FAM184A: variants seen among roughly 807,000 people sequenced by gnomAD.
The protein encoded by FAM184A is protein FAM184A.
In FAM184A, 99 loss-of-function variants were observed where a neutral mutation model predicts 143.8. The ratio of observed to expected loss-of-function variants is 0.69; its 90% CI spans 0.58 to 0.81. The LOEUF (loss-of-function observed/expected upper bound fraction) is 0.81, where lower values mean the gene tolerates loss of function less well. Ranked by LOEUF, FAM184A falls within the 40% of genes least tolerant of loss-of-function variation. The pLI is 0.00. For missense variants in FAM184A, 1,217 were observed against 1,310.5 expected (o/e 0.93, Z 1.10); for synonymous variants, 427 against 446.4 (o/e 0.96, Z 0.55).
At chr6:118,980,460 G>T in intron 9 of FAM184A, 110 bp from the exon 10 acceptor site, 1 of 742,108 alleles carries the variant, frequency 1.3e-6, no homozygotes, top group Non-Finnish European at 2.2e-6. Flanking sequence ...TAAAATAACT[G>T]CCTTAATGTT....
chr6:118,992,855 A>C (rs1292615769), intron 9 of FAM184A, among the ~76,000 whole-genome samples: 1 of 152,188 alleles, frequency 6.6e-6, no homozygotes, highest in African/African-American at 2.4e-5. Context: ...ACTTGAGCCC[A>C]GGGGGTCAAG....
chr6:119,057,766 TTAAAA>T (rs1787045744), intron 1 of FAM184A: 2 of 151,514 alleles, frequency 1.3e-5, no homozygotes, highest in African/African-American at 4.8e-5. Context: ...ATAAATAAAT[TTAAAA>T]TAAGAGAAAA....
At chr6:118,980,773 G>A (rs1285331092) in intron 9 of FAM184A, among the ~76,000 whole-genome samples, 2 of 152,158 alleles carry the variant, frequency 1.3e-5, no homozygotes, top group East Asian at 3.9e-4. Flanking sequence ...TGTGAGCTCT[G>A]AGTTAAAATC....
intron 1 of FAM184A, among the ~76,000 whole-genome samples, chr6:119,050,444 C>T (rs1786707877): frequency 7.7e-6 from 1 of 130,138 alleles, no homozygotes; most frequent in Non-Finnish European, 1.6e-5. Flanking sequence ...CCATTAATGA[C>T]AGATTGGGTT....
intron 1 of FAM184A, among the ~76,000 whole-genome samples, chr6:119,075,149 T>G (rs1787827291): frequency 6.6e-6 from 1 of 152,204 alleles, no homozygotes; most frequent in South Asian, 2.1e-4. Flanking sequence ...TTTCAGAACA[T>G]TCTACCACAA....
At chr6:119,060,180 C>T (rs990951021) in intron 1 of FAM184A, among the ~76,000 whole-genome samples, 1 of 152,216 alleles carries the variant, frequency 6.6e-6, no homozygotes, top group African/African-American at 2.4e-5. Context: ...ACCGTGTCAT[C>T]TCAGTTACAA....
At chr6:119,046,180 A>C (rs1282588015) in intron 1 of FAM184A, among the ~76,000 whole-genome samples, 1 of 152,130 alleles carries the variant, frequency 6.6e-6, no homozygotes, top group Non-Finnish European at 1.5e-5. Context: ...AGTATTTGGA[A>C]TTGGTAAGTA....
At chr6:119,121,891 A>T (rs760321324) in intron 1 of FAM184A, among the ~76,000 whole-genome samples, 1 of 152,160 alleles carries the variant, frequency 6.6e-6, no homozygotes. Context: ...TATCCTTTCT[A>T]TGTAGACTCT....
At chr6:118,971,783 G>T (rs1216002364) in intron 14 of FAM184A, among the ~76,000 whole-genome samples, 1 of 152,112 alleles carries the variant, frequency 6.6e-6, no homozygotes, top group Non-Finnish European at 1.5e-5. Flanking sequence ...GACTTAGAGG[G>T]TATTTCCCAT....
intron 1 of FAM184A, among the ~76,000 whole-genome samples, chr6:119,145,792 A>G (rs180960361): frequency 1.4e-4 from 21 of 152,324 alleles, no homozygotes; most frequent in Admixed American, 1.4e-3. Context: ...ATTAATATTT[A>G]TTGTTTATCA....
chr6:119,022,008 A>G (rs1272363714), intron 3 of FAM184A, among the ~76,000 whole-genome samples: 1 of 151,446 alleles, frequency 6.6e-6, no homozygotes, highest in African/African-American at 2.4e-5. Context: ...GTATATTTTT[A>G]AAGGACAACA....
At chr6:119,075,534 C>G (rs1010331167) in intron 1 of FAM184A, among the ~76,000 whole-genome samples, 3 of 152,150 alleles carry the variant, frequency 2.0e-5, no homozygotes, top group Non-Finnish European at 4.4e-5. Context: ...CTCAGTGTGT[C>G]AGGTTCCCAC....
chr6:119,039,870 G>A (rs759787798), intron 1 of FAM184A, among the ~76,000 whole-genome samples: 2 of 152,200 alleles, frequency 1.3e-5, no homozygotes, highest in Non-Finnish European at 2.9e-5. Context: ...TGCAGATTAA[G>A]AGACAAAAAT....
chr6:118,975,247 A>T, intron 12 of FAM184A, 39 bp from the exon 13 acceptor site: 2 of 1,391,588 alleles, frequency 1.4e-6, no homozygotes, highest in South Asian at 1.4e-5. Context: ...AGTTTTCTAC[A>T]TATTTGATTT....
chr6:119,016,597 A>G, intron 5 of FAM184A, 150 bp downstream of exon 5: 4 of 648,200 alleles, frequency 6.2e-6, no homozygotes, highest in Non-Finnish European at 1.1e-5. Context: ...CAGACTCCAG[A>G]CGCGCCACCT....
chr6:119,012,179 G>C (rs1005584771), intron 5 of FAM184A, among the ~76,000 whole-genome samples: 1 of 152,138 alleles, frequency 6.6e-6, no homozygotes, highest in Non-Finnish European at 1.5e-5. Context: ...GAAAAAGCAT[G>C]TGCTAAGGCT....
At chr6:119,097,463 G>A (rs1048933442) in intron 1 of FAM184A, among the ~76,000 whole-genome samples, 1 of 152,144 alleles carries the variant, frequency 6.6e-6, no homozygotes, top group African/African-American at 2.4e-5. Flanking sequence ...TCACCCAAAA[G>A]TGGATTCTGA....
At position 118,961,864 on chromosome 6, in the gene FAM184A, G is replaced by A. The variant is rs368976311; in HGVS notation, c.3238C>T (p.Arg1080Cys). Reference protein sequence around the residue: ...SGGVGNGHPNRLDPIPNSPVH... With the variant: ...SGGVGNGHPNCLDPIPNSPVH... Reference sequence around the variant, plus strand: ...GGAGAATTAGGAATGGGATCCAGGCGGTTAGGATGTCCATTGCCCACTCCA... The same window carrying A: ...GGAGAATTAGGAATGGGATCCAGGCAGTTAGGATGTCCATTGCCCACTCCA... Residue 1080 changes from arginine to cysteine, a missense_variant, in exon 17 of 18, where the codon CGC (arginine) becomes TGC (cysteine). Arg to Cys is a radical substitution (Grantham distance 180). Transcript: ENST00000338891. 3.2e-5 allele frequency: 51 copies of A among 1,613,834 alleles called. No individual in the cohort carries two copies. The highest frequency in any genetic ancestry group is 8.3e-5 in the Admixed American group (5 of 59,964).
chr6:119,102,866 T>G (rs1328116687), intron 1 of FAM184A, among the ~76,000 whole-genome samples: 4 of 149,168 alleles, frequency 2.7e-5, no homozygotes, highest in Admixed American at 2.7e-4. Flanking sequence ...CAATATGAGC[T>G]CTAAAGTAGG....
Sources: allele counts gnomAD v4.1 joint callset (sites outside exome capture counted in the v4.1 genomes callset), GRCh38; gene constraint gnomAD v4.1.1; transcripts MANE v1.5; gene names NCBI Gene and HGNC (gene_info 2026-07-23, HGNC 2026-07-21).